BTNL8: variants seen among roughly 807,000 people sequenced by gnomAD.
BTNL8 encodes butyrophilin-like protein 8.
In BTNL8, 22 loss-of-function variants were observed where a neutral mutation model predicts 36.1. The ratio of observed to expected loss-of-function variants is 0.61; its 90% CI spans 0.44 to 0.87. The LOEUF (loss-of-function observed/expected upper bound fraction) is 0.87, where lower values mean the gene tolerates loss of function less well. BTNL8 is among the 40% of genes least tolerant of loss of function. The probability of loss-of-function intolerance (pLI) is 0.00; values close to 1 mark genes in which losing one functional copy is unlikely to be tolerated. For synonymous variants in BTNL8, 203 were observed against 235.6 expected, an observed-to-expected ratio of 0.86 and a Z score of 1.27; for missense variants, 526 against 616.9, an observed-to-expected ratio of 0.85 and a Z score of 1.56.
chr5:180,908,537 C>T (rs757122573), intron 1 of BTNL8, 49 bp from the exon 2 acceptor site: 1 of 1,575,270 alleles, frequency 6.3e-7, no homozygotes, highest in African/African-American at 1.3e-5. Flanking sequence ...GCTCCTCCCC[C>T]TCACTACAAA....
chr5:180,941,914 T>TTTTTTTTTTTTTTTTTTTTTTTTTTG (rs1281454934), intron 3 of BTNL8, among the ~76,000 whole-genome samples: 33 of 150,962 alleles, frequency 2.2e-4, no homozygotes, highest in South Asian at 4.2e-4. Flanking sequence ...TTACTACTCT[T>TTTTTTTTTTTTTTTTTTTTTTTTTTG]ATTCAACAAA....
intron 3 of BTNL8, among the ~76,000 whole-genome samples, chr5:180,926,545 T>C (rs1045719498): frequency 6.6e-6 from 1 of 152,118 alleles, no homozygotes; most frequent in African/African-American, 2.4e-5. Flanking sequence ...CCCACCCCCA[T>C]GGAGCCCAGC....
intron 3 of BTNL8, among the ~76,000 whole-genome samples, chr5:180,936,872 T>C (rs369449712): frequency 7.2e-5 from 11 of 152,318 alleles, no homozygotes; most frequent in African/African-American, 2.6e-4. Context: ...TCAGAGGTGC[T>C]GTACACCACA....
At chr5:180,902,518 T>G (rs986799356) in intron 1 of BTNL8, 37 of 382,850 alleles carry the variant, frequency 9.7e-5, no homozygotes, top group Middle Eastern at 5.6e-4. Context: ...CTATAAAGGG[T>G]TTTTTTTTTT....
chr5:180,940,436 A>C (rs1354178824), intron 3 of BTNL8, among the ~76,000 whole-genome samples: 1 of 152,148 alleles, frequency 6.6e-6, no homozygotes, highest in Admixed American at 6.5e-5. Context: ...AAATGCCTAC[A>C]TCATAAAAAG....
chr5:180,932,227 G>T (rs536453650), intron 3 of BTNL8, among the ~76,000 whole-genome samples: 1 of 152,292 alleles, frequency 6.6e-6, no homozygotes, highest in Non-Finnish European at 1.5e-5. Context: ...GGCTAAGGAG[G>T]GATAGCATTA....
At chr5:180,947,976 C>A in intron 4 of BTNL8, 1 of 696,858 alleles carries the variant, frequency 1.4e-6, no homozygotes, top group Non-Finnish European at 2.3e-6. Context: ...AAGTGACTGA[C>A]AATAAGATAA....
intron 3 of BTNL8, among the ~76,000 whole-genome samples, chr5:180,941,634 T>C (rs1758957997): frequency 6.6e-6 from 1 of 152,122 alleles, no homozygotes; most frequent in African/African-American, 2.4e-5. Flanking sequence ...GATGCAAGGA[T>C]GGTTCAACAT....
At position 180,928,680 on chromosome 5, in the gene BTNL8, C is replaced by T. The variant is rs564483321; in HGVS notation, c.673+17066C>T. 9.9e-5 allele frequency among the ~76,000 whole-genome samples: 15 copies of T among 152,238 alleles called. No homozygotes were observed. In the South Asian group the frequency reaches 1.2e-3, roughly 13 times the overall value. ...GTTGCAATCCTAGTCTCTGATAAAACAGACTTTAAACAAACAAAGATCAAA... is the reference window on the plus strand; with the variant it reads ...GTTGCAATCCTAGTCTCTGATAAAATAGACTTTAAACAAACAAAGATCAAA... On this transcript the variant is annotated intron_variant, in intron 3 of 7. Transcript: ENST00000340184.
chr5:180,899,238 T>C lies in BTNL8; in HGVS notation c.-73T>C. 1 of 1,568,386 alleles carries C rather than the reference T, an allele frequency of 6.4e-7. No homozygotes were observed. The highest frequency in any genetic ancestry group is 1.1e-5 in the South Asian group (1 of 90,004). On this transcript the variant is annotated 5_prime_UTR_variant, in exon 1 of 8. Transcript: ENST00000340184. ...CTTGAGCATTAGGCCAGTTCTCCTC[T>C]TCTCTCTAATCCATCCGTCACCTCT... is the stretch of plus-strand genomic sequence containing the variant.
rs1274353536 is a variant in BTNL8, at chr5:180,908,757, C to G, written c.221C>G (p.Pro74Arg). 6.2e-7 allele frequency: 1 copy of G among 1,614,144 alleles called. No individual in the cohort carries two copies. The highest frequency in any genetic ancestry group is 2.2e-5 in the East Asian group (1 of 44,878). Residue 74 changes from proline (P) to arginine (R), a missense_variant, in exon 2 of 8, where the codon CCA becomes CGA. Pro to Arg is a moderately radical substitution (Grantham distance 103, BLOSUM62 -2). Transcript: ENST00000340184. The part of the protein sequence containing the change: ...VHLYRDGKDQ[P>R]FMQMPQYQGR... ...CTCTACAGGGACGGGAAGGACCAGC[C>G]ATTTATGCAGATGCCACAGTATCAA...
chr5:180,949,420 A>G, intron 7 of BTNL8, 155 bp downstream of exon 7: 1 of 1,141,688 alleles, frequency 8.8e-7, no homozygotes, highest in South Asian at 1.3e-5. Flanking sequence ...CCAAGGGTTC[A>G]GTGCCCCCAG....
intron 1 of BTNL8, among the ~76,000 whole-genome samples, chr5:180,900,344 A>G (rs757338547): frequency 3.9e-5 from 6 of 152,198 alleles, no homozygotes; most frequent in Non-Finnish European, 4.4e-5. Flanking sequence ...GCTTATGATG[A>G]CATGGAGATA....
chr5:180,930,050 A>C (rs1190070674), intron 3 of BTNL8, among the ~76,000 whole-genome samples: 1 of 152,210 alleles, frequency 6.6e-6, no homozygotes, highest in South Asian at 2.1e-4. Flanking sequence ...GATAAACATC[A>C]ATGTGAAAAT....
intron 3 of BTNL8, among the ~76,000 whole-genome samples, chr5:180,922,704 A>G (rs1757923959): frequency 6.6e-6 from 1 of 151,382 alleles, no homozygotes; most frequent in South Asian, 2.1e-4. Flanking sequence ...GATGTCTATG[A>G]GATCCATTTG....
At position 180,908,663 on chromosome 5, in the gene BTNL8, T is replaced by C. The variant is rs1482507158; in HGVS notation, c.127T>C (p.Ser43Pro). 3 of 1,614,178 alleles carry C rather than the reference T, an allele frequency of 1.9e-6. No homozygotes were observed. The highest frequency in any genetic ancestry group is 1.1e-5 in the South Asian group (1 of 91,070). Residue 43 changes from serine (S) to proline (P), a missense_variant, in exon 2 of 8, where the codon TCT becomes CCT. Physicochemically the swap from Ser to Pro is moderately conservative, Grantham distance 74. Around this residue, in one of 2 missense-constraint regions of BTNL8, gnomAD observed 350 missense variants for 324.6 expected, o/e 1.08. Transcript: ENST00000340184. The stretch of plus-strand genomic sequence containing the variant: ...GGACGCAGCATTCTCCTGTTTCCTG[T>C]CTCCTAAGACCAATGCAGAGGCCAT... ...GEDAAFSCFL[S>P]PKTNAEAMEV...
chr5:180,930,297 A>G (rs1224046399), intron 3 of BTNL8, among the ~76,000 whole-genome samples: 3 of 152,224 alleles, frequency 2.0e-5, no homozygotes, highest in Non-Finnish European at 4.4e-5. Context: ...TTAGATGTCA[A>G]TGGAATGTAT....
chr5:180,949,517 A>G, intron 7 of BTNL8: 2 of 601,918 alleles, frequency 3.3e-6, no homozygotes, highest in Non-Finnish European at 5.5e-6. Context: ...AGTTTCAGGG[A>G]ATTGAGGGCA....
rs181895630 is a variant in BTNL8, at chr5:180,915,630, G to T, written c.673+4016G>T. On this transcript the variant is annotated intron_variant, in intron 3 of 7. Transcript: ENST00000340184. ...CTGCCAGTACAGACTAGAGGAGGAG[G>T]AGTGACAGAAAGACAAAATATACTG... is the stretch of plus-strand genomic sequence containing the variant. Among the ~76,000 whole-genome samples the T allele has an allele frequency of 9.8e-4, 149 of 152,300 alleles. 1 individual carries two copies. The highest frequency in any genetic ancestry group is 4.4e-5 in the Non-Finnish European group (3 of 68,026).
Sources: gnomAD v4.1 joint callset for allele counts (sites outside exome capture counted in the v4.1 genomes callset) on GRCh38, gnomAD v4.1.1 for gene constraint, gnomAD v4.1.1 regional missense constraint, MANE v1.5 for transcripts, NCBI Gene and HGNC (gene_info 2026-07-23, HGNC 2026-07-21) for gene names.